Variants in MYCBP2 observed in about 807,000 individuals in gnomAD.
MYCBP2 encodes MYC binding protein 2, also known as E3 ubiquitin-protein ligase MYCBP2.
Under a neutral mutation model 525.3 loss-of-function variants are expected in MYCBP2, and 120 were observed. The ratio of observed to expected loss-of-function variants is 0.23; its 90% confidence interval spans 0.20 to 0.27. The LOEUF (loss-of-function observed/expected upper bound fraction) is 0.27. MYCBP2 is among the 10% of genes least tolerant of loss of function. The pLI is 1.00. For missense variants in MYCBP2, 4,149 were observed against 5,657.1 expected, an observed-to-expected ratio of 0.73 and a Z score of 8.55; for synonymous variants, 1,894 against 1,955.8, an observed-to-expected ratio of 0.97 and a Z score of 0.83.
At chr13:77,185,676 A>G (rs543855805) in intron 31 of MYCBP2, among the ~76,000 whole-genome samples, 195 bp downstream of exon 31, 221 of 152,346 alleles carry the variant, frequency 1.5e-3, no homozygotes, top group African/African-American at 4.8e-3. Context: ...TACTTTTTGT[A>G]TCAGAATGAC....
intron 29 of MYCBP2, among the ~76,000 whole-genome samples, 175 bp downstream of exon 29, chr13:77,190,077 A>C (rs565887299): frequency 1.5e-3 from 229 of 152,270 alleles, no homozygotes; most frequent in African/African-American, 5.2e-3. Context: ...AAAATGTTTA[A>C]AAATATACAA....
At chr13:77,251,744 C>T (rs2071245997) in intron 14 of MYCBP2, among the ~76,000 whole-genome samples, 1 of 152,168 alleles carries the variant, frequency 6.6e-6, no homozygotes, top group Non-Finnish European at 1.5e-5. Context: ...ACCAATCACC[C>T]TCCCAAAGCA....
chr13:77,210,405 G>T (rs944812056), intron 23 of MYCBP2, among the ~76,000 whole-genome samples: 2 of 151,990 alleles, frequency 1.3e-5, no homozygotes, highest in East Asian at 1.9e-4. Flanking sequence ...TGTTAGCCAG[G>T]ATGGTCTCGA....
intron 52 of MYCBP2, among the ~76,000 whole-genome samples, chr13:77,130,406 CAT>C (rs752346493): frequency 8.6e-5 from 13 of 150,446 alleles, no homozygotes; most frequent in African/African-American, 2.7e-4. Context: ...TTTCCATATC[CAT>C]ATATATATAT....
chr13:77,062,224 G>C (rs1271966169), intron 74 of MYCBP2, among the ~76,000 whole-genome samples: 1 of 152,204 alleles, frequency 6.6e-6, no homozygotes, highest in Non-Finnish European at 1.5e-5. Context: ...TGAACAGGTG[G>C]TGTGTCATGT....
intron 43 of MYCBP2, among the ~76,000 whole-genome samples, chr13:77,162,660 CT>C (rs1016525495): frequency 1.3e-5 from 2 of 151,446 alleles, no homozygotes; most frequent in East Asian, 1.9e-4. Context: ...TAAACATACT[CT>C]TTTTTTTTCT....
intron 32 of MYCBP2, among the ~76,000 whole-genome samples, chr13:77,183,600 G>A (rs2060450459): frequency 8.5e-6 from 1 of 117,574 alleles, no homozygotes; most frequent in African/African-American, 3.3e-5. Context: ...TCACCAGGCT[G>A]GAGTGCAGTG....
intron 18 of MYCBP2, 73 bp downstream of exon 18, chr13:77,233,083 C>T: frequency 7.6e-7 from 1 of 1,322,516 alleles, no homozygotes; most frequent in Non-Finnish European, 1.1e-6. Flanking sequence ...GTGCATTTTC[C>T]CAGAGACAAA....
At chr13:77,197,878 T>C (rs1036858204) in intron 26 of MYCBP2, among the ~76,000 whole-genome samples, 5 of 151,852 alleles carry the variant, frequency 3.3e-5, no homozygotes, top group African/African-American at 4.8e-5. Context: ...TTCCAGACAA[T>C]AGGAGGAGTG....
rs145190951 is a variant in MYCBP2, at chr13:77,187,944, G to A, written c.4251+1007C>T. On this transcript the variant is annotated intron_variant, in intron 30 of 82. Coordinates refer to ENST00000544440, the MANE Select transcript of MYCBP2 (RefSeq NM_015057.5). ...AAATTAGCTGGGCGTGGTGGCAGGCGCCTGTAATCCCAGCTACTCAGGAGG... is the reference window on the plus strand; with the variant it reads ...AAATTAGCTGGGCGTGGTGGCAGGCACCTGTAATCCCAGCTACTCAGGAGG... Among the ~76,000 whole-genome samples, 1,075 of 151,934 alleles carry A rather than the reference G, an allele frequency of 7.1e-3. 10 individuals are homozygous for A. The highest frequency in any genetic ancestry group is 0.051 in the East Asian group (265 of 5,164).
chr13:77,171,367 G>A, intron 38 of MYCBP2, 125 bp downstream of exon 38: 1 of 902,184 alleles, frequency 1.1e-6, no homozygotes, highest in East Asian at 2.6e-5. Flanking sequence ...TCCATGGGTG[G>A]ATCTATAAAT....
rs779714150 is a variant in MYCBP2 at position 77,140,087 on chromosome 13, C to G, written c.7478G>C (p.Gly2493Ala). Residue 2493 changes from glycine to alanine, a missense_variant, in exon 51 of 83, where the codon GGC becomes GCC. Physicochemically the swap from Gly to Ala is moderately conservative, Grantham distance 60 (BLOSUM62 0). Around this residue, in one of 21 missense-constraint regions of MYCBP2, gnomAD observed 692 missense variants for 852.7 expected, o/e 0.81. Transcript: ENST00000544440. ...GATAGTTCCATTGACTTTCACTATG[C>G]CTATCTGCTCACTCTGAAGGGAAGG... Reference protein sequence around the residue: ...SHPSLQSEQIGIVKVNGTITF... With the variant: ...SHPSLQSEQIAIVKVNGTITF... 12 of 1,613,094 alleles carry G rather than the reference C, an allele frequency of 7.4e-6. No homozygotes were observed. The highest frequency in any genetic ancestry group is 5.9e-6 in the Non-Finnish European group (7 of 1,179,758).
rs147689929 is a variant in MYCBP2, at chr13:77,140,443, C to A, written c.7402-280G>T. On this transcript the variant is annotated intron_variant, in intron 50 of 82. Coordinates refer to ENST00000544440, the MANE Select transcript of MYCBP2 (RefSeq NM_015057.5). ...AGATACGTGTTAAGAAGGATAAAAA[C>A]CATTTCTTTCTGTTAGAAAAATAAA... Among the ~76,000 whole-genome samples the A allele has an allele frequency of 2.6e-5, 4 of 152,224 alleles. No homozygotes were observed. In the East Asian group the frequency reaches 5.8e-4, roughly 22 times the overall value.
At chr13:77,254,020 G>C (rs1440316062) in intron 14 of MYCBP2, among the ~76,000 whole-genome samples, 1 of 151,810 alleles carries the variant, frequency 6.6e-6, no homozygotes, top group East Asian at 1.9e-4. Flanking sequence ...ATACACTATA[G>C]CATGTTCACT....
At chr13:77,286,398 AT>A (rs747823116) in intron 3 of MYCBP2, among the ~76,000 whole-genome samples, 1 of 152,148 alleles carries the variant, frequency 6.6e-6, no homozygotes, top group African/African-American at 2.4e-5. Context: ...CCATTTAAAA[AT>A]GTCTATATTT....
At chr13:77,321,042 G>T (rs189923686) in intron 1 of MYCBP2, among the ~76,000 whole-genome samples, 1 of 152,222 alleles carries the variant, frequency 6.6e-6, no homozygotes, top group East Asian at 1.9e-4. Flanking sequence ...ATAGTTTCAG[G>T]ACTCTTCAAA....
chr13:77,169,763 C>G (rs1414724384), intron 38 of MYCBP2, 49 bp from the exon 39 acceptor site: 1 of 1,392,258 alleles, frequency 7.2e-7, no homozygotes, highest in Non-Finnish European at 1.0e-6. Context: ...AAGGTAATTT[C>G]ATTGTACTGC....
intron 3 of MYCBP2, among the ~76,000 whole-genome samples, chr13:77,287,046 G>C (rs2076926093): frequency 6.7e-6 from 1 of 149,282 alleles, no homozygotes; most frequent in African/African-American, 2.5e-5. Context: ...CACCGTGACG[G>C]GCTAAGTTTT....
intron 56 of MYCBP2, 62 bp downstream of exon 56, chr13:77,097,308 T>A (rs1046776312): frequency 2.8e-4 from 431 of 1,529,100 alleles, no homozygotes; most frequent in Non-Finnish European, 7.3e-5. Flanking sequence ...ACAGCTCAAA[T>A]AAAGTGATCT....
Sources: allele counts gnomAD v4.1 joint callset (sites outside exome capture counted in the v4.1 genomes callset), GRCh38; gene constraint gnomAD v4.1.1; regional missense constraint gnomAD v4.1.1; transcripts MANE v1.5; gene names NCBI Gene and HGNC (gene_info 2026-07-23, HGNC 2026-07-21).